The following DNAH12 variants were observed in gnomAD, a reference collection of about 807,000 sequenced individuals.
DNAH12 encodes dynein axonemal heavy chain 12.
In DNAH12, 285 loss-of-function variants were observed where a neutral mutation model predicts 371.5. That is an observed-to-expected ratio of 0.77 (90% CI 0.70 to 0.85). The LOEUF (loss-of-function observed/expected upper bound fraction) is 0.85. Among genes scored for constraint, DNAH12 ranks in the 40% least tolerant of loss-of-function variants. DNAH12 has a pLI of 0.00. For missense variants in DNAH12, 3,611 were observed against 3,689.4 expected (o/e 0.98, Z 0.55); for synonymous variants, 1,200 against 1,213.0 (o/e 0.99, Z 0.22).
chr3:57,316,171 G>A (rs547446474), intron 65 of DNAH12, among the ~76,000 whole-genome samples: 2 of 151,182 alleles, frequency 1.3e-5, no homozygotes, highest in African/African-American at 2.4e-5. Context: ...AGCCAAGGGG[G>A]CAGTAGGATG....
chr3:57,371,377 T>C (rs1231494575), intron 55 of DNAH12, among the ~76,000 whole-genome samples: 2 of 152,210 alleles, frequency 1.3e-5, no homozygotes, highest in Non-Finnish European at 2.9e-5. Context: ...ACTTGTTCTT[T>C]GATTTTAGGC....
chr3:57,455,331 G>T (rs937889243), intron 22 of DNAH12, among the ~76,000 whole-genome samples: 1 of 151,760 alleles, frequency 6.6e-6, no homozygotes, highest in African/African-American at 2.4e-5. Flanking sequence ...TTGGGAGGCC[G>T]AGGCAATGGA....
Position 57,302,559 on chromosome 3 carries a change from A to ATTT in DNAH12, c.11190-621_11190-620insAAA, listed in dbSNP as rs1436244232. ...TATATATATATATATATATATATAT[A>ATTT]TATATGTATTTTTTTTTTTTTTTTT... On this transcript the variant is annotated intron_variant, in intron 69 of 73. Transcript: ENST00000495027. Among the ~76,000 whole-genome samples the ATTT allele has an allele frequency of 1.1e-3, 65 of 61,370 alleles. 2 individuals carry two copies. Among genetic ancestry groups the ATTT allele is most frequent in the South Asian group, 2.1e-3 (3 of 1,442 alleles). 40.3% of individuals were successfully genotyped at this position (61,370 alleles called of 152,430 possible). A position where few individuals can be genotyped will look rare whatever the true frequency, so the allele number is the denominator to read the frequency against.
chr3:57,477,497 G>A (rs1274632998), intron 13 of DNAH12, among the ~76,000 whole-genome samples: 4 of 152,246 alleles, frequency 2.6e-5, no homozygotes, highest in African/African-American at 9.6e-5. Context: ...CACCTCCAGG[G>A]GCAGGGCACA....
intron 34 of DNAH12, 32 bp from the exon 35 acceptor site, chr3:57,425,173 T>C (rs2064724996): frequency 1.5e-6 from 1 of 681,706 alleles, no homozygotes; most frequent in South Asian, 1.6e-5. Context: ...ACTTTCTTAA[T>C]TTTCATCTTA....
At chr3:57,527,239 G>C (rs944169157) in intron 2 of DNAH12, among the ~76,000 whole-genome samples, 1 of 152,158 alleles carries the variant, frequency 6.6e-6, no homozygotes, top group Non-Finnish European at 1.5e-5. Context: ...ACTCATGCCT[G>C]TAATTCCAGT....
At chr3:57,449,451 G>A (rs1404609098) in intron 25 of DNAH12, among the ~76,000 whole-genome samples, 7 of 152,204 alleles carry the variant, frequency 4.6e-5, no homozygotes, top group Non-Finnish European at 1.0e-4. Flanking sequence ...GTGGGTGGGA[G>A]GCTCAGGCAT....
chr3:57,434,606 A>G lies in DNAH12; in HGVS notation c.4656-778T>C, dbSNP rs549678648. On this transcript the variant is annotated intron_variant, in intron 30 of 73. Coordinates refer to ENST00000495027, the MANE Select transcript of DNAH12 (RefSeq NM_001366028.2). Reference sequence around the variant, plus strand: ...TTCTTGCCATAATAATAATAATAAAAAAAACCTAATGTGGCATTGGCTTAA... The same window carrying G: ...TTCTTGCCATAATAATAATAATAAAGAAAACCTAATGTGGCATTGGCTTAA... Among the ~76,000 whole-genome samples, 4 of 152,300 alleles carry G rather than the reference A, an allele frequency of 2.6e-5. No homozygotes were observed. In the South Asian group the frequency reaches 8.3e-4, roughly 32 times the overall value.
intron 12 of DNAH12, among the ~76,000 whole-genome samples, chr3:57,487,094 A>G (rs947667059): frequency 1.1e-4 from 16 of 152,094 alleles, no homozygotes; most frequent in African/African-American, 3.9e-4. Context: ...GGTGAGCAGG[A>G]ATCAGATCAT....
intron 45 of DNAH12, among the ~76,000 whole-genome samples, chr3:57,388,981 C>A (rs1001817367): frequency 1.3e-5 from 2 of 151,950 alleles, no homozygotes; most frequent in African/African-American, 4.8e-5. Flanking sequence ...TGCAGCACAC[C>A]AACATGGCAC....
At chr3:57,493,111 A>T (rs2067188499) in intron 11 of DNAH12, among the ~76,000 whole-genome samples, 1 of 152,174 alleles carries the variant, frequency 6.6e-6, no homozygotes, top group African/African-American at 2.4e-5. Flanking sequence ...GACCACAAAA[A>T]ATTTAGTTGG....
intron 2 of DNAH12, among the ~76,000 whole-genome samples, chr3:57,534,508 CTT>C (rs35588123): frequency 5.5e-5 from 6 of 108,828 alleles, no homozygotes; most frequent in Non-Finnish European, 5.3e-5. Context: ...TGTTAGCTAG[CTT>C]TTTTTTTTTT....
At chr3:57,427,119 ATTT>A (rs2064795893) in intron 34 of DNAH12, among the ~76,000 whole-genome samples, 1 of 139,394 alleles carries the variant, frequency 7.2e-6, no homozygotes, top group Non-Finnish European at 1.5e-5. Flanking sequence ...CAATATATTT[ATTT>A]ATATGTAAGA....
chr3:57,502,425 C>G lies in DNAH12; in HGVS notation c.1141G>C (p.Asp381His), dbSNP rs1449154414. The G allele has an allele frequency of 6.2e-7, 1 of 1,614,160 alleles. No individual in the cohort carries two copies. ...LSGTSTPVNL[D>H]TELPEHVLHW... ...AACACGTGTTCAGGAAGTTCTGTGT[C>G]AAGATTTACTGGTGTTGAAGTTCCT... is the stretch of plus-strand genomic sequence containing the variant. Residue 381 changes from aspartate (D) to histidine (H), a missense_variant, in exon 10 of 74, where the codon GAC becomes CAC. This residue lies in a region of DNAH12 where 1,314 missense variants were observed against 1,398.7 expected (regional missense o/e 0.94). Transcript: ENST00000495027.
intron 4 of DNAH12, among the ~76,000 whole-genome samples, chr3:57,521,464 A>G (rs1032664129): frequency 6.6e-6 from 1 of 152,038 alleles, no homozygotes; most frequent in East Asian, 1.9e-4. Flanking sequence ...GGAGCTCAAG[A>G]CCAGTCTGGG....
intron 65 of DNAH12, among the ~76,000 whole-genome samples, chr3:57,317,103 C>T (rs2153281529): frequency 1.3e-5 from 2 of 152,126 alleles, no homozygotes; most frequent in Middle Eastern, 3.4e-3. Context: ...AAATGTTTGC[C>T]CCTTTCCTCC....
chr3:57,414,803 A>G (rs2064314590), intron 38 of DNAH12, among the ~76,000 whole-genome samples: 2 of 152,242 alleles, frequency 1.3e-5, no homozygotes, highest in African/African-American at 4.8e-5. Context: ...TAAATTTGTA[A>G]GATTTTGAAG....
chr3:57,314,187 A>G (rs1310884435), intron 66 of DNAH12, among the ~76,000 whole-genome samples: 1 of 152,202 alleles, frequency 6.6e-6, no homozygotes, highest in Non-Finnish European at 1.5e-5. Context: ...ACAAAGACAA[A>G]GAACCAGGGT....
At chr3:57,363,470 T>C (rs1479299701) in intron 58 of DNAH12, 124 bp downstream of exon 58, 1 of 152,194 alleles carries the variant, frequency 6.6e-6, no homozygotes, top group East Asian at 1.9e-4. Flanking sequence ...TTTATCATTT[T>C]CTTTTTCCTT....
Sources: allele counts gnomAD v4.1 joint callset (sites outside exome capture counted in the v4.1 genomes callset), GRCh38; gene constraint gnomAD v4.1.1; regional missense constraint gnomAD v4.1.1; transcripts MANE v1.5; gene names NCBI Gene and HGNC (gene_info 2026-07-23, HGNC 2026-07-21).